Variants in CCDC146 observed in about 807,000 individuals in gnomAD.
CCDC146 encodes coiled-coil domain containing 146.
A neutral mutation model predicts 119.3 loss-of-function variants in CCDC146; 92 were observed. That is an observed-to-expected ratio of 0.77 (90% CI 0.65 to 0.92). The LOEUF is 0.92. CCDC146 is among the 40% of genes least tolerant of loss of function. The pLI, the probability that CCDC146 is intolerant of heterozygous loss-of-function variation, is 0.00. For missense variants in CCDC146, 1,000 were observed against 1,103.0 expected (o/e 0.91, Z 1.32); for synonymous variants, 372 against 371.8 (o/e 1.00, Z -0.01).
At chr7:77,233,432 TCATCCCAC>T (rs2150478437) in intron 2 of CCDC146, among the ~76,000 whole-genome samples, 1 of 152,206 alleles carries the variant, frequency 6.6e-6, no homozygotes, top group East Asian at 1.9e-4. Flanking sequence ...ATCAAACTCT[TCATCCCAC>T]CATTTTGGAA....
chr7:77,282,701 G>C lies in CCDC146; in HGVS notation c.2064G>C (p.Glu688Asp). The change falls in exon 15 of 19, where the codon GAG (glutamate) becomes GAC (aspartate). Residue 688 changes from glutamate to aspartate, a missense_variant. Glu to Asp is a conservative substitution (Grantham distance 45). This residue lies in a region of CCDC146 where 985 missense variants were observed against 1,045.3 expected (regional missense o/e 0.94). Coordinates refer to ENST00000285871, the MANE Select transcript of CCDC146 (RefSeq NM_020879.3). ...AATTCCTGAAAATGAAGATTGCTGA[G>C]AAGCAAAGACAAATTTGTGTGACCC... is the stretch of plus-strand genomic sequence containing the variant. ...KIQFLKMKIA[E>D]KQRQICVTQK... 1 of 1,614,064 alleles carries C rather than the reference G, an allele frequency of 6.2e-7. No individual in the cohort carries two copies. Among genetic ancestry groups the C allele is most frequent in the East Asian group, 2.2e-5 (1 of 44,900 alleles).
intron 2 of CCDC146, chr7:77,197,052 T>G: frequency 2.1e-6 from 2 of 955,146 alleles, no homozygotes; most frequent in Non-Finnish European, 3.2e-6. Flanking sequence ...AAGAATTCTT[T>G]ATATGTACAA....
At chr7:77,271,275 G>A (rs1005821617) in intron 9 of CCDC146, among the ~76,000 whole-genome samples, 3 of 151,364 alleles carry the variant, frequency 2.0e-5, no homozygotes, top group African/African-American at 4.9e-5. Flanking sequence ...TAAACAGGCA[G>A]AAAAATGTGA....
intron 4 of CCDC146, 99 bp downstream of exon 4, chr7:77,241,999 C>G: frequency 1.2e-6 from 1 of 860,192 alleles, no homozygotes; most frequent in South Asian, 1.7e-5. Context: ...TAGGAGATAG[C>G]AGTACGATGA....
chr7:77,168,554 TA>T (rs1791373010), intron 2 of CCDC146, among the ~76,000 whole-genome samples: 1 of 152,052 alleles, frequency 6.6e-6, no homozygotes, highest in South Asian at 2.1e-4. Context: ...AACAGTTTAT[TA>T]AAAACCAAGA....
chr7:77,214,239 A>T (rs1263309037), intron 2 of CCDC146, among the ~76,000 whole-genome samples: 1 of 151,886 alleles, frequency 6.6e-6, no homozygotes, highest in Non-Finnish European at 1.5e-5. Flanking sequence ...ATGATTGTTT[A>T]CTCATATGTC....
rs770656260 is a variant in CCDC146 at position 77,280,434 on chromosome 7, T to C, written c.1700T>C (p.Leu567Pro). ...TTGTCTTATTACTTTAAAAGAAAGCTACAAAATTCCATGCTGAAACACGCC... is the reference window on the plus strand; with the variant it reads ...TTGTCTTATTACTTTAAAAGAAAGCCACAAAATTCCATGCTGAAACACGCC... ...RNSAVSQERK[L>P]QNSMLKHANN... Residue 567 changes from leucine to proline, a missense_variant, in exon 14 of 19, where the codon CTA (leucine) becomes CCA (proline). Leu to Pro is a moderately conservative substitution (Grantham distance 98). Around this residue, in one of 2 missense-constraint regions of CCDC146, gnomAD observed 985 missense variants for 1,045.3 expected, o/e 0.94. Coordinates refer to ENST00000285871, the MANE Select transcript of CCDC146 (RefSeq NM_020879.3). 1 of 1,607,076 alleles carries C rather than the reference T, an allele frequency of 6.2e-7. No homozygotes were observed. The highest frequency in any genetic ancestry group is 1.3e-5 in the African/African-American group (1 of 74,482).
chr7:77,237,102 A>AT, intron 3 of CCDC146, 73 bp downstream of exon 3: 2 of 1,225,684 alleles, frequency 1.6e-6, no homozygotes, highest in African/African-American at 3.0e-5. Context: ...ACCTGTCTTC[A>AT]TTTGCATTCC....
At chr7:77,140,209 C>G (rs2117415161) in intron 1 of CCDC146, among the ~76,000 whole-genome samples, 1 of 151,858 alleles carries the variant, frequency 6.6e-6, no homozygotes, top group Admixed American at 6.6e-5. Context: ...AGTTGTATTT[C>G]TAAGAACTAA....
chr7:77,287,367 C>T, intron 16 of CCDC146, 73 bp from the exon 17 acceptor site: 1 of 1,507,094 alleles, frequency 6.6e-7, no homozygotes, highest in Non-Finnish European at 9.2e-7. Flanking sequence ...GGAGATACTG[C>T]TCTAATTAGG....
intron 1 of CCDC146, among the ~76,000 whole-genome samples, chr7:77,160,101 G>A (rs1352366060): frequency 6.6e-6 from 1 of 152,170 alleles, no homozygotes; most frequent in East Asian, 1.9e-4. Context: ...CTATTTCTGA[G>A]GGCTCTATTC....
At chr7:77,148,058 C>A (rs748012159) in intron 1 of CCDC146, among the ~76,000 whole-genome samples, 2 of 152,190 alleles carry the variant, frequency 1.3e-5, no homozygotes, top group Non-Finnish European at 2.9e-5. Flanking sequence ...TGGGCTGTAC[C>A]CAGTTCGAGC....
At chr7:77,287,366 G>T in intron 16 of CCDC146, 74 bp from the exon 17 acceptor site, 1 of 1,501,118 alleles carries the variant, frequency 6.7e-7, no homozygotes, top group African/African-American at 1.4e-5. Context: ...GGGAGATACT[G>T]CTCTAATTAG....
At chr7:77,268,519 C>G (rs1793450540) in intron 9 of CCDC146, among the ~76,000 whole-genome samples, 1 of 152,174 alleles carries the variant, frequency 6.6e-6, no homozygotes, top group Admixed American at 6.5e-5. Flanking sequence ...GAGCCTTACT[C>G]CATCATCTTG....
intron 4 of CCDC146, among the ~76,000 whole-genome samples, chr7:77,250,828 C>CTT (rs145334670): frequency 0.19 from 24,638 of 133,124 alleles, 3,016 homozygotes; most frequent in Non-Finnish European, 0.23. Context: ...TTTTCCTAGT[C>CTT]TTTTTTTTTT....
intron 13 of CCDC146, among the ~76,000 whole-genome samples, chr7:77,279,765 A>G (rs1793729058): frequency 6.6e-6 from 1 of 152,200 alleles, no homozygotes; most frequent in South Asian, 2.1e-4. Flanking sequence ...ACACTCAGAA[A>G]AGCGTCTGGC....
At chr7:77,228,964 G>A (rs1023808942) in intron 2 of CCDC146, among the ~76,000 whole-genome samples, 3 of 152,198 alleles carry the variant, frequency 2.0e-5, no homozygotes, top group Non-Finnish European at 1.5e-5. Flanking sequence ...AGCCCAGCAT[G>A]CATTAGCTAT....
intron 6 of CCDC146, chr7:77,258,245 C>G (rs1793218575): frequency 1.3e-5 from 2 of 152,458 alleles, no homozygotes; most frequent in East Asian, 3.9e-4. Flanking sequence ...CCTCCACCCC[C>G]TGGCTCCCAT....
chr7:77,293,217 G>A lies in CCDC146; in HGVS notation c.2664+17G>A, dbSNP rs1307628886. The A allele has an allele frequency of 3.7e-6, 6 of 1,611,044 alleles. No homozygotes were observed. The highest frequency in any genetic ancestry group is 2.7e-5 in the African/African-American group (2 of 74,618). On this transcript the variant is annotated intron_variant, in intron 18 of 18. Transcript: ENST00000285871. ...AAGTCTCAGGTAGGCTTTGGCTCCT[G>A]TATTGCATTTCTAAAGGGTGCCAGC...
Sources: gnomAD v4.1 joint callset for allele counts (sites outside exome capture counted in the v4.1 genomes callset) on GRCh38, gnomAD v4.1.1 for gene constraint, gnomAD v4.1.1 regional missense constraint, MANE v1.5 for transcripts, NCBI Gene and HGNC (gene_info 2026-07-23, HGNC 2026-07-21) for gene names.